The following FOCAD variants were observed in gnomAD, a reference collection of about 807,000 sequenced individuals.
FOCAD encodes the protein focadhesin.
In FOCAD, 198 loss-of-function variants were observed where a neutral mutation model predicts 225.6. The observed-to-expected ratio is 0.88, with a 90% confidence interval of 0.78 to 0.99. FOCAD has a LOEUF of 0.99. Among genes scored for constraint, FOCAD ranks in the 50% least tolerant of loss-of-function variants. The probability of loss-of-function intolerance (pLI) is 0.00; values close to 1 mark genes in which losing one functional copy is unlikely to be tolerated. For missense variants in FOCAD, 2,713 were observed against 2,123.6 expected (o/e 1.28, Z -5.46); for synonymous variants, 897 against 755.0 (o/e 1.19, Z -3.08).
At chr9:20,716,524 G>A (rs554361195) in intron 2 of FOCAD, among the ~76,000 whole-genome samples, 2 of 152,176 alleles carry the variant, frequency 1.3e-5, no homozygotes, top group Non-Finnish European at 2.9e-5. Context: ...CAACCTGGTG[G>A]GGAATGGGGA....
At chr9:20,957,181 AG>A (rs1368833313) in intron 35 of FOCAD, among the ~76,000 whole-genome samples, 1 of 152,094 alleles carries the variant, frequency 6.6e-6, no homozygotes, top group African/African-American at 2.4e-5. Context: ...CTTCTGCCTC[AG>A]CCCCCCAGGT....
intron 7 of FOCAD, among the ~76,000 whole-genome samples, chr9:20,769,288 A>G (rs1189869675): frequency 6.6e-6 from 1 of 152,208 alleles, no homozygotes; most frequent in East Asian, 1.9e-4. Flanking sequence ...CTGCCGGTCA[A>G]CCGTAGGCTT....
chr9:20,802,641 A>G (rs1408335351), intron 11 of FOCAD, among the ~76,000 whole-genome samples: 1 of 152,172 alleles, frequency 6.6e-6, no homozygotes, highest in Non-Finnish European at 1.5e-5. Context: ...ATATTGTCAT[A>G]TGTTATTCAG....
At chr9:20,962,117 T>A (rs535637135) in intron 35 of FOCAD, among the ~76,000 whole-genome samples, 1 of 152,254 alleles carries the variant, frequency 6.6e-6, no homozygotes, top group Non-Finnish European at 1.5e-5. Flanking sequence ...ATTTAAATAT[T>A]CTTTCCTTGG....
At chr9:20,867,206 A>G (rs1156635927) in intron 18 of FOCAD, among the ~76,000 whole-genome samples, 194 bp downstream of exon 18, 1 of 151,848 alleles carries the variant, frequency 6.6e-6, no homozygotes, top group Non-Finnish European at 1.5e-5. Context: ...GATGGAAGAC[A>G]CCTATGATGC....
intron 2 of FOCAD, among the ~76,000 whole-genome samples, chr9:20,664,231 A>T (rs1821828963): frequency 6.6e-6 from 1 of 151,128 alleles, no homozygotes; most frequent in Non-Finnish European, 1.5e-5. Flanking sequence ...AATAGTTTAT[A>T]GTATTAAATT....
chr9:20,892,422 A>G (rs766279445), intron 21 of FOCAD, among the ~76,000 whole-genome samples: 9 of 152,220 alleles, frequency 5.9e-5, no homozygotes, highest in Non-Finnish European at 1.3e-4. Flanking sequence ...CGTGATTTAT[A>G]TGAAGAGGTC....
chr9:20,861,738 G>A (rs1446568349), intron 15 of FOCAD, among the ~76,000 whole-genome samples: 4 of 152,152 alleles, frequency 2.6e-5, no homozygotes, highest in African/African-American at 4.8e-5. Flanking sequence ...TAAAAGAAGA[G>A]ATTGGAATAT....
At chr9:20,797,030 G>A (rs570847982) in intron 11 of FOCAD, among the ~76,000 whole-genome samples, 69 of 152,158 alleles carry the variant, frequency 4.5e-4, no homozygotes, top group East Asian at 1.5e-3. Context: ...AGCTTTCTCC[G>A]TATGGCTAGC....
In FOCAD at chr9:20,866,917, T is replaced by TTAACAAAAAAAGG; in HGVS notation, c.2107-12_2107-11insTAACAAAAAAAGG. Reference sequence around the variant, plus strand: ...TTTTTTTTTTTTTTTTTTTTTTTTTTACCCTATCTAGGACCCAATTGTAGC... The same window carrying TTAACAAAAAAAGG: ...TTTTTTTTTTTTTTTTTTTTTTTTTTTAACAAAAAAAGGACCCTATCTAGGACCCAATTGTAGC... On this transcript the variant is annotated splice_polypyrimidine_tract_variant and intron_variant, in intron 17 of 43. Transcript: ENST00000338382. The TTAACAAAAAAAGG allele has an allele frequency of 1.3e-6, 1 of 764,972 alleles. No individual in the cohort carries two copies. The allele number at this position is 764,972 out of a possible 1,614,324, so 47.4% of individuals were successfully genotyped here.
intron 1 of FOCAD, among the ~76,000 whole-genome samples, chr9:20,685,361 G>T (rs1278605828): frequency 2.0e-5 from 3 of 152,030 alleles, no homozygotes; most frequent in African/African-American, 7.3e-5. Context: ...AGGAGAGGAG[G>T]GTAGATGGCA....
intron 35 of FOCAD, among the ~76,000 whole-genome samples, chr9:20,975,908 A>G (rs1427531299): frequency 6.6e-6 from 1 of 152,192 alleles, no homozygotes; most frequent in African/African-American, 2.4e-5. Flanking sequence ...GGTTAGGAAG[A>G]GAAGGAGGAT....
chr9:20,731,698 A>C (rs1205291663), intron 4 of FOCAD, among the ~76,000 whole-genome samples: 1 of 151,872 alleles, frequency 6.6e-6, no homozygotes, highest in Non-Finnish European at 1.5e-5. Flanking sequence ...GCTCACCACA[A>C]CCTCTCCCTC....
intron 16 of FOCAD, among the ~76,000 whole-genome samples, chr9:20,864,653 C>T (rs542141630): frequency 6.6e-6 from 1 of 152,104 alleles, no homozygotes; most frequent in South Asian, 2.1e-4. Flanking sequence ...TTATTTTCCC[C>T]ATTCAACTAT....
At chr9:20,754,473 G>T (rs1258788726) in intron 5 of FOCAD, among the ~76,000 whole-genome samples, 1 of 151,860 alleles carries the variant, frequency 6.6e-6, no homozygotes, top group Middle Eastern at 3.4e-3. Context: ...ATTTCCATAA[G>T]AAAATCACAA....
chr9:20,859,762 C>T (rs1019081957), intron 15 of FOCAD, among the ~76,000 whole-genome samples: 4 of 148,706 alleles, frequency 2.7e-5, no homozygotes, highest in East Asian at 3.9e-4. Context: ...ACTACAACAT[C>T]GATGAACCTT....
At chr9:20,844,282 G>T (rs930715851) in intron 15 of FOCAD, among the ~76,000 whole-genome samples, 2 of 149,348 alleles carry the variant, frequency 1.3e-5, no homozygotes, top group African/African-American at 4.9e-5. Context: ...TGTGCATAAG[G>T]CACTTTTAGA....
intron 11 of FOCAD, among the ~76,000 whole-genome samples, chr9:20,804,052 G>A (rs1822140267): frequency 6.6e-6 from 1 of 152,034 alleles, no homozygotes; most frequent in Admixed American, 6.6e-5. Flanking sequence ...TGATAATGCC[G>A]AACCATTTTC....
At chr9:20,965,093 C>G (rs930163925) in intron 35 of FOCAD, among the ~76,000 whole-genome samples, 1 of 151,968 alleles carries the variant, frequency 6.6e-6, no homozygotes, top group African/African-American at 2.4e-5. Context: ...GGAAGAACAC[C>G]GAAGCTTAAG....
Sources: gnomAD v4.1 joint callset for allele counts (sites outside exome capture counted in the v4.1 genomes callset) on GRCh38, gnomAD v4.1.1 for gene constraint, MANE v1.5 for transcripts, NCBI Gene and HGNC (gene_info 2026-07-23, HGNC 2026-07-21) for gene names.